Variants in DLG2 observed in about 807,000 individuals in gnomAD.
DLG2 encodes the protein disks large homolog 2.
Under a neutral mutation model 132.5 loss-of-function variants are expected in DLG2, and 45 were observed. That is an observed-to-expected ratio of 0.34 (90% CI 0.27 to 0.44). DLG2 has a LOEUF of 0.44. DLG2 is among the 20% of genes least tolerant of loss of function. The pLI is 1.00. For missense variants in DLG2, 1,045 were observed against 1,196.9 expected, an observed-to-expected ratio of 0.87 and a Z score of 1.87; for synonymous variants, 424 against 419.6, an observed-to-expected ratio of 1.01 and a Z score of -0.13.
At chr11:84,513,185 A>G (rs1158227777) in intron 7 of DLG2, among the ~76,000 whole-genome samples, 1 of 152,108 alleles carries the variant, frequency 6.6e-6, no homozygotes, top group East Asian at 1.9e-4. Flanking sequence ...GAAATTGAAG[A>G]GGACACAAAA....
At chr11:84,153,284 G>A (rs746270329) in intron 9 of DLG2, among the ~76,000 whole-genome samples, 25 of 152,034 alleles carry the variant, frequency 1.6e-4, no homozygotes, top group Non-Finnish European at 2.9e-4. Flanking sequence ...TTTCTTTCAT[G>A]TTAATCTTGG....
intron 6 of DLG2, among the ~76,000 whole-genome samples, chr11:84,877,665 T>C (rs914920771): frequency 5.9e-5 from 9 of 152,050 alleles, no homozygotes; most frequent in East Asian, 1.9e-4. Context: ...TGCCAGTCCA[T>C]GTCTTTTAAT....
intron 6 of DLG2, among the ~76,000 whole-genome samples, chr11:84,910,542 GC>G (rs1159476604): frequency 3.3e-5 from 5 of 151,954 alleles, no homozygotes; most frequent in African/African-American, 1.2e-4. Context: ...AATGACTCTG[GC>G]CCTTGTACAG....
chr11:83,766,784 AATT>A (rs2094165000), intron 18 of DLG2, among the ~76,000 whole-genome samples: 1 of 152,112 alleles, frequency 6.6e-6, no homozygotes, highest in South Asian at 2.1e-4. Flanking sequence ...TAGTAAATAC[AATT>A]ATTATCATTT....
intron 3 of DLG2, among the ~76,000 whole-genome samples, chr11:85,545,783 G>A (rs1346224452): frequency 6.6e-6 from 1 of 152,176 alleles, no homozygotes; most frequent in Non-Finnish European, 1.5e-5. Context: ...GCATAGAGGT[G>A]TTTATAGTAT....
chr11:84,824,481 T>C (rs2153986199), intron 6 of DLG2, among the ~76,000 whole-genome samples: 1 of 152,064 alleles, frequency 6.6e-6, no homozygotes, highest in South Asian at 2.1e-4. Flanking sequence ...AGAAATTTAG[T>C]AAGTGATGTT....
intron 4 of DLG2, among the ~76,000 whole-genome samples, chr11:85,161,167 G>A (rs1054287231): frequency 1.3e-5 from 2 of 152,236 alleles, no homozygotes; most frequent in African/African-American, 2.4e-5. Context: ...TCTCCAATGA[G>A]TGACCTCAGC....
At chr11:84,312,629 C>A (rs1278271525) in intron 7 of DLG2, among the ~76,000 whole-genome samples, 1 of 150,474 alleles carries the variant, frequency 6.6e-6, no homozygotes, top group Non-Finnish European at 1.5e-5. Flanking sequence ...ATCTGCAGCA[C>A]TCTCTGAAAT....
At chr11:84,524,226 C>T (rs1254071791) in intron 7 of DLG2, among the ~76,000 whole-genome samples, 1 of 152,166 alleles carries the variant, frequency 6.6e-6, no homozygotes, top group Admixed American at 6.5e-5. Flanking sequence ...GACAAGCTTG[C>T]CTTAACCCTT....
intron 9 of DLG2, among the ~76,000 whole-genome samples, chr11:84,120,177 A>T (rs772909261): frequency 1.3e-5 from 2 of 152,144 alleles, no homozygotes; most frequent in Non-Finnish European, 2.9e-5. Flanking sequence ...GGCTCATTTG[A>T]CATTCCATCC....
At chr11:85,098,526 G>A (rs1221332289) in intron 6 of DLG2, among the ~76,000 whole-genome samples, 1 of 152,128 alleles carries the variant, frequency 6.6e-6, no homozygotes, top group Non-Finnish European at 1.5e-5. Flanking sequence ...ATGCATTTTT[G>A]CATCAAAGTT....
Position 84,413,658 on chromosome 11 carries a change from T to C in DLG2, c.519+120912A>G, listed in dbSNP as rs116688105. On this transcript the variant is annotated intron_variant, in intron 7 of 27. Coordinates refer to ENST00000376104, the MANE Select transcript of DLG2 (RefSeq NM_001142699.3). ...GGCCTTTCATACTTAGTAAAATCCC[T>C]GCAGGGTTCAGTCACAGGTTCTCAG... 5.4e-3 allele frequency among the ~76,000 whole-genome samples: 818 copies of C among 152,306 alleles called. 9 individuals are homozygous for C. Among genetic ancestry groups the C allele is most frequent in the African/African-American group, 0.018 (764 of 41,562 alleles).
intron 11 of DLG2, among the ~76,000 whole-genome samples, chr11:83,987,245 C>G (rs1477952360): frequency 6.6e-6 from 1 of 151,982 alleles, no homozygotes; most frequent in Non-Finnish European, 1.5e-5. Flanking sequence ...TAGGAAGAAT[C>G]AATATTGTGA....
Position 83,802,895 on chromosome 11 carries a change from G to C in DLG2, c.1723-16103C>G, listed in dbSNP as rs149239266. 4.4e-4 allele frequency among the ~76,000 whole-genome samples: 67 copies of C among 152,084 alleles called. 3 individuals carry two copies. The East Asian group carries it at 0.011, about 25-fold the overall frequency. ...GGGGCTATGGTATTGTGGTGGGGAG[G>C]GGAGAAATGCTGAAGAGGAGAGAAT... On this transcript the variant is annotated intron_variant, in intron 17 of 27. Transcript: ENST00000376104.
At chr11:85,516,471 CA>C (rs548295247) in intron 3 of DLG2, among the ~76,000 whole-genome samples, 2 of 150,524 alleles carry the variant, frequency 1.3e-5, no homozygotes, top group Non-Finnish European at 3.0e-5. Context: ...AAATTGAGAC[CA>C]AAAAAAAGAA....
intron 18 of DLG2, among the ~76,000 whole-genome samples, chr11:83,777,388 G>A (rs2094623418): frequency 6.6e-6 from 1 of 152,022 alleles, no homozygotes; most frequent in Admixed American, 6.6e-5. Flanking sequence ...CTATTTCTTG[G>A]GCTTGGGTTT....
intron 3 of DLG2, among the ~76,000 whole-genome samples, chr11:85,417,439 C>A (rs140402175): frequency 6.6e-6 from 1 of 152,136 alleles, no homozygotes; most frequent in Non-Finnish European, 1.5e-5. Context: ...GCTTTGGTAT[C>A]AGGATGATGC....
intron 3 of DLG2, among the ~76,000 whole-genome samples, chr11:85,511,711 A>T (rs529110183): frequency 7.3e-6 from 1 of 136,764 alleles, no homozygotes; most frequent in African/African-American, 2.7e-5. Context: ...CACACTGTAA[A>T]TGTTTGAAGT....
At chr11:85,061,839 C>G (rs1277221108) in intron 6 of DLG2, among the ~76,000 whole-genome samples, 1 of 151,810 alleles carries the variant, frequency 6.6e-6, no homozygotes, top group Non-Finnish European at 1.5e-5. Flanking sequence ...TTAACTTTGC[C>G]AACAGTCTTG....
Sources: allele counts gnomAD v4.1 joint callset (sites outside exome capture counted in the v4.1 genomes callset), GRCh38; gene constraint gnomAD v4.1.1; transcripts MANE v1.5; gene names NCBI Gene and HGNC (gene_info 2026-07-23, HGNC 2026-07-21).